MAGI2: variants seen among roughly 807,000 people sequenced by gnomAD.
MAGI2 encodes the protein membrane-associated guanylate kinase, WW and PDZ domain-containing protein 2.
MAGI2 carries 35 observed loss-of-function variants against 133.3 expected under a neutral mutation model. That is an observed-to-expected ratio of 0.26 (90% confidence interval 0.20 to 0.35). MAGI2 has a LOEUF of 0.35. MAGI2 is among the 10% of genes least tolerant of loss of function. MAGI2 has a pLI of 1.00. For missense variants in MAGI2, 1,636 were observed against 1,863.4 expected, an observed-to-expected ratio of 0.88 and a Z score of 2.25; for synonymous variants, 729 against 710.6, an observed-to-expected ratio of 1.03 and a Z score of -0.41.
chr7:78,447,498 G>C (rs1374611137), intron 6 of MAGI2, among the ~76,000 whole-genome samples: 2 of 152,060 alleles, frequency 1.3e-5, no homozygotes, highest in Non-Finnish European at 2.9e-5. Context: ...CATACTGCCT[G>C]ACACATGATA....
chr7:78,051,244 A>T (rs1811971016), intron 21 of MAGI2, among the ~76,000 whole-genome samples: 1 of 152,222 alleles, frequency 6.6e-6, no homozygotes, highest in African/African-American at 2.4e-5. Flanking sequence ...AAAGAAATAC[A>T]GTACACAGAT....
At chr7:78,497,766 T>TCTATCTGTCTGTCTATCTATCTATCTA (rs1385517709) in intron 5 of MAGI2, among the ~76,000 whole-genome samples, 6 of 135,312 alleles carry the variant, frequency 4.4e-5, no homozygotes, top group Non-Finnish European at 8.2e-5. Flanking sequence ...CTATCTATCT[T>TCTATCTGTCTGTCTATCTATCTATCTA]TCTATCTTAT....
At chr7:78,401,287 G>A (rs1312504381) in intron 6 of MAGI2, among the ~76,000 whole-genome samples, 2 of 152,060 alleles carry the variant, frequency 1.3e-5, no homozygotes, top group South Asian at 2.1e-4. Flanking sequence ...TCATCAATAC[G>A]CACCAGCAAC....
At chr7:79,077,773 A>C (rs944034499) in intron 1 of MAGI2, among the ~76,000 whole-genome samples, 3 of 151,982 alleles carry the variant, frequency 2.0e-5, no homozygotes, top group Non-Finnish European at 4.4e-5. Flanking sequence ...GCAGAAAATA[A>C]ATTTTAATGG....
intron 3 of MAGI2, chr7:78,616,164 G>A (rs542331003): frequency 6.6e-6 from 1 of 152,126 alleles, no homozygotes; most frequent in Non-Finnish European, 1.5e-5. Context: ...TTTCTTTAAT[G>A]AGAAAACACA....
chr7:79,080,764 T>C (rs924109766), intron 1 of MAGI2, among the ~76,000 whole-genome samples: 2 of 152,094 alleles, frequency 1.3e-5, no homozygotes, highest in African/African-American at 4.8e-5. Flanking sequence ...CCTTCAAAAG[T>C]CAAAAGTCCT....
intron 7 of MAGI2, 61 bp from the exon 8 acceptor site, chr7:78,346,104 G>A: frequency 1.9e-6 from 3 of 1,592,482 alleles, no homozygotes; most frequent in East Asian, 2.2e-5. Flanking sequence ...AAGACCATAT[G>A]TATGGCTCTA....
intron 2 of MAGI2, among the ~76,000 whole-genome samples, chr7:78,856,684 A>G (rs930260433): frequency 3.3e-5 from 5 of 152,110 alleles, no homozygotes; most frequent in East Asian, 1.9e-4. Context: ...TTCAGGTAGC[A>G]TGATGCCTCC....
At chr7:79,154,532 T>C (rs897834005) in intron 1 of MAGI2, among the ~76,000 whole-genome samples, 6 of 152,184 alleles carry the variant, frequency 3.9e-5, no homozygotes, top group African/African-American at 4.8e-5. Context: ...TCACCAGTGT[T>C]GGTTTCAAGA....
At chr7:78,076,959 G>A (rs1265567554) in intron 21 of MAGI2, among the ~76,000 whole-genome samples, 1 of 150,068 alleles carries the variant, frequency 6.7e-6, no homozygotes, top group African/African-American at 2.5e-5. Context: ...CTTCATGATA[G>A]CTTGAGGTGG....
chr7:78,906,525 G>A (rs1032537940), intron 2 of MAGI2, among the ~76,000 whole-genome samples: 1 of 152,202 alleles, frequency 6.6e-6, no homozygotes, highest in African/African-American at 2.4e-5. Context: ...TGAGAGTGGA[G>A]AGGAATCTCT....
chr7:78,057,977 G>GTGTATATTTATATATATATA (rs762943472), intron 21 of MAGI2, among the ~76,000 whole-genome samples: 1 of 106,610 alleles, frequency 9.4e-6, no homozygotes, highest in African/African-American at 3.4e-5. Context: ...ATATATATGT[G>GTGTATATTTATATATATATA]TATATATATA....
intron 1 of MAGI2, among the ~76,000 whole-genome samples, chr7:79,228,165 G>A (rs1461757084): frequency 6.6e-6 from 1 of 151,644 alleles, no homozygotes; most frequent in East Asian, 1.9e-4. Flanking sequence ...AAAACACAAT[G>A]AGACCTCGTC....
intron 10 of MAGI2, among the ~76,000 whole-genome samples, chr7:78,212,336 T>G (rs1787847875): frequency 6.6e-6 from 1 of 152,070 alleles, no homozygotes; most frequent in Non-Finnish European, 1.5e-5. Flanking sequence ...ATGCAAAGAG[T>G]ATCTTTGATT....
At chr7:79,104,087 T>C (rs1378675792) in intron 1 of MAGI2, among the ~76,000 whole-genome samples, 1 of 152,182 alleles carries the variant, frequency 6.6e-6, no homozygotes, top group Non-Finnish European at 1.5e-5. Context: ...TTAGTTCATA[T>C]TGTGTATGTG....
intron 2 of MAGI2, among the ~76,000 whole-genome samples, chr7:78,706,365 C>T (rs561139307): frequency 6.7e-6 from 1 of 150,238 alleles, no homozygotes; most frequent in East Asian, 2.0e-4. Flanking sequence ...TGCCTTTCAC[C>T]CCCCGCCATG....
intron 2 of MAGI2, among the ~76,000 whole-genome samples, chr7:78,649,242 A>AAAAAAAAAAAAAAAAAAG (rs1554512645): frequency 6.7e-6 from 1 of 149,550 alleles, no homozygotes; most frequent in Non-Finnish European, 1.5e-5. Flanking sequence ...AAAAGAAAAA[A>AAAAAAAAAAAAAAAAAAG]AAAGAAAAAA....
intron 2 of MAGI2, among the ~76,000 whole-genome samples, chr7:78,729,070 A>G (rs960468421): frequency 6.6e-6 from 1 of 152,150 alleles, no homozygotes; most frequent in Non-Finnish European, 1.5e-5. Context: ...ATTAGGCTAT[A>G]TCTATGATAA....
chr7:78,093,216 G>A (rs892976793), intron 20 of MAGI2, among the ~76,000 whole-genome samples: 4 of 150,184 alleles, frequency 2.7e-5, no homozygotes, highest in Non-Finnish European at 5.9e-5. Flanking sequence ...CCAACACTTT[G>A]GGAGGCCAAA....
Sources: allele counts gnomAD v4.1 joint callset (sites outside exome capture counted in the v4.1 genomes callset), GRCh38; gene constraint gnomAD v4.1.1; transcripts MANE v1.5; gene names NCBI Gene and HGNC (gene_info 2026-07-23, HGNC 2026-07-21).